MTM1: variants seen among roughly 807,000 people sequenced by gnomAD.
MTM1 encodes the protein myotubularin 1, also known as myotubularin.
Under a neutral mutation model 52.1 loss-of-function variants are expected in MTM1, and 9 were observed. The ratio of observed to expected loss-of-function variants is 0.17; its 90% CI spans 0.10 to 0.30. The LOEUF is 0.30. MTM1 is among the 10% of genes least tolerant of loss of function. MTM1 has a pLI of 1.00. For missense variants in MTM1, 277 were observed against 470.7 expected, an observed-to-expected ratio of 0.59 and a Z score of 3.81; for synonymous variants, 136 against 163.8, an observed-to-expected ratio of 0.83 and a Z score of 1.29.
chrX:150,584,255 A>C (rs995944958), intron 1 of MTM1, among the ~76,000 whole-genome samples: 2 of 108,480 alleles, frequency 1.8e-5, no homozygotes, highest in Admixed American at 1.0e-4. Context: ...TGCAGCTGTG[A>C]AAATGAGTGG....
At chrX:150,669,371 A>G (rs1190076806) in intron 14 of MTM1, among the ~76,000 whole-genome samples, 3 of 111,894 alleles carry the variant, frequency 2.7e-5, no homozygotes, top group Non-Finnish European at 5.6e-5. Flanking sequence ...AGAATGATTT[A>G]TATTCCTTTG....
chrX:150,629,555 T>C (rs782583964), intron 6 of MTM1, among the ~76,000 whole-genome samples: 2 of 112,275 alleles, frequency 1.8e-5, no homozygotes, highest in African/African-American at 6.5e-5. Flanking sequence ...TCATACCTTG[T>C]TCATAGTAGA....
At chrX:150,617,455 AATAGCCC>A (rs1459615367) in intron 5 of MTM1, among the ~76,000 whole-genome samples, 1 of 111,871 alleles carries the variant, frequency 8.9e-6, no homozygotes, top group African/African-American at 3.3e-5. Flanking sequence ...ACCAATAACC[AATAGCCC>A]AATTTTCTTG....
At chrX:150,641,513 T>C in intron 8 of MTM1, 95 bp downstream of exon 8, 1 of 1,034,049 alleles carries the variant, frequency 9.7e-7, no homozygotes, top group South Asian at 1.9e-5. Context: ...TTTGGAATTC[T>C]ATCCCAAAAA....
At chrX:150,665,242 T>G (rs988105242) in intron 14 of MTM1, among the ~76,000 whole-genome samples, 6 of 112,350 alleles carry the variant, frequency 5.3e-5, no homozygotes, top group South Asian at 7.3e-4. Flanking sequence ...CTAGGCACTT[T>G]GTGTTTTCAT....
chrX:150,590,952 G>GC, intron 1 of MTM1: 1 of 571,182 alleles, frequency 1.8e-6, no homozygotes. Flanking sequence ...AAATTTCAGA[G>GC]CAGATACATC....
intron 6 of MTM1, among the ~76,000 whole-genome samples, chrX:150,632,599 C>T (rs1367317845): frequency 9.0e-6 from 1 of 111,280 alleles, no homozygotes; most frequent in East Asian, 2.8e-4. Context: ...GAGAGGAAGA[C>T]CATTTCTGGG....
chrX:150,633,710 G>T (rs1409190345), intron 6 of MTM1, among the ~76,000 whole-genome samples: 1 of 110,480 alleles, frequency 9.1e-6, no homozygotes, highest in Non-Finnish European at 1.9e-5. Flanking sequence ...TTCAATTCCT[G>T]TTCAAACGTT....
intron 1 of MTM1, among the ~76,000 whole-genome samples, chrX:150,572,458 C>G (rs1328265211): frequency 8.9e-6 from 1 of 112,158 alleles, no homozygotes. Context: ...CAATCTCCCT[C>G]TTCTGTCATC....
chrX:150,590,758 G>C (rs1165448411), intron 1 of MTM1, among the ~76,000 whole-genome samples: 1 of 111,931 alleles, frequency 8.9e-6, no homozygotes, highest in African/African-American at 3.2e-5. Flanking sequence ...TGAGTTGACT[G>C]TACAACCAGG....
At chrX:150,657,761 C>G (rs147562315) in intron 10 of MTM1, 60 bp from the exon 11 acceptor site, 398 of 1,047,710 alleles carry the variant, frequency 3.8e-4, no homozygotes, top group Non-Finnish European at 5.1e-4. Flanking sequence ...AGTTTAAAAA[C>G]TATCAAATGT....
intron 6 of MTM1, among the ~76,000 whole-genome samples, chrX:150,629,256 C>G (rs1056269864): frequency 4.5e-5 from 5 of 111,652 alleles, no homozygotes; most frequent in Non-Finnish European, 3.8e-5. Flanking sequence ...CTGAGATGTT[C>G]GCCAGTGGCC....
rs1223569180 is a variant in MTM1, at chrX:150,636,164, TATC to T, written c.445-2773_445-2771del. Among the ~76,000 whole-genome samples the T allele has an allele frequency of 2.7e-5, 3 of 111,541 alleles. No homozygotes were observed. The Admixed American group carries it at 2.9e-4, about 11-fold the overall frequency. On this transcript the variant is annotated intron_variant, in intron 6 of 14. Coordinates refer to ENST00000370396, the MANE Select transcript of MTM1 (RefSeq NM_000252.3). ...TCTGGATATTAGTCAGAATGTGAAG[TATC>T]ATCATAGAAGTGATCTCATCAGAGA...
At position 150,660,018 on chromosome X, in the gene MTM1, C is replaced by T. The variant is rs111951773; in HGVS notation, c.1353+262C>T. Among the ~76,000 whole-genome samples, 1,465 of 111,858 alleles carry T rather than the reference C, an allele frequency of 0.013. 30 individuals carry two copies. The highest frequency in any genetic ancestry group is 0.045 in the African/African-American group (1,390 of 30,778). On this transcript the variant is annotated intron_variant, in intron 12 of 14. Transcript: ENST00000370396. ...CTGATGTCTCTACTAGTGGAATTGA[C>T]AATACCAAGTCGTCGTTTATATACA...
At chrX:150,619,178 A>C in intron 6 of MTM1, 39 bp downstream of exon 6, 30 of 992,294 alleles carry the variant, frequency 3.0e-5, no homozygotes, top group Non-Finnish European at 4.0e-5. Flanking sequence ...GAAGGTTCTC[A>C]GTGCCTCCTC....
At chrX:150,644,602 A>G (rs1395229995) in intron 8 of MTM1, among the ~76,000 whole-genome samples, 1 of 111,713 alleles carries the variant, frequency 9.0e-6, no homozygotes, top group African/African-American at 3.3e-5. Context: ...GTGAGCCCAC[A>G]TGATTAAGCT....
At chrX:150,591,064 T>C (rs1346142370) in intron 1 of MTM1, 2 of 731,135 alleles carry the variant, frequency 2.7e-6, no homozygotes. Context: ...TTTCAAAGCA[T>C]ATTTTACGAT....
intron 13 of MTM1, among the ~76,000 whole-genome samples, chrX:150,660,723 G>A (rs782773362): frequency 7.2e-5 from 8 of 111,658 alleles, no homozygotes; most frequent in Non-Finnish European, 1.3e-4. Flanking sequence ...GCATAGTGCC[G>A]GCATCTGCTT....
intron 1 of MTM1, among the ~76,000 whole-genome samples, chrX:150,586,427 C>A (rs781887662): frequency 6.3e-5 from 7 of 110,966 alleles, no homozygotes; most frequent in Admixed American, 9.6e-5. Context: ...GGCTAGGAGT[C>A]AAGTGTTTTC....
Sources: gnomAD v4.1 joint callset for allele counts (sites outside exome capture counted in the v4.1 genomes callset) on GRCh38, gnomAD v4.1.1 for gene constraint, MANE v1.5 for transcripts, NCBI Gene and HGNC (gene_info 2026-07-23, HGNC 2026-07-21) for gene names.